THBS4: variants seen among roughly 807,000 people sequenced by gnomAD.
THBS4 encodes thrombospondin-4.
Under a neutral mutation model 115.7 loss-of-function variants are expected in THBS4, and 90 were observed. That is an observed-to-expected ratio of 0.78 (90% CI 0.66 to 0.93). THBS4 has a LOEUF of 0.93. THBS4 is among the 40% of genes least tolerant of loss of function. THBS4 has a pLI of 0.00. For missense variants in THBS4, 1,087 were observed against 1,232.7 expected, an observed-to-expected ratio of 0.88 and a Z score of 1.77; for synonymous variants, 460 against 479.3, an observed-to-expected ratio of 0.96 and a Z score of 0.53.
Position 80,070,351 on chromosome 5 carries a change from G to A in THBS4, c.1393G>A (p.Val465Met), listed in dbSNP as rs1256841260. The A allele has an allele frequency of 6.2e-7, 1 of 1,610,748 alleles. No individual in the cohort carries two copies. Among genetic ancestry groups the A allele is most frequent in the Non-Finnish European group, 8.5e-7 (1 of 1,178,372 alleles). Residue 465 changes from valine (V) to methionine (M), a missense_variant, in exon 11 of 22, where the codon GTG becomes ATG. By Grantham distance (21) the Val-to-Met change is conservative. Around this residue, in one of 3 missense-constraint regions of THBS4, gnomAD observed 979 missense variants for 1,103.7 expected, o/e 0.89. Coordinates refer to ENST00000350881, the MANE Select transcript of THBS4 (RefSeq NM_003248.6). ...AGDGYICGKD[V>M]DIDSYPDEEL... ...AGATGGCTATATCTGTGGAAAGGAT[G>A]TGGACATCGACAGTTACCCCGACGA... is the stretch of plus-strand genomic sequence containing the variant.
At chr5:80,065,966 G>T (rs1210570525) in intron 9 of THBS4, among the ~76,000 whole-genome samples, 1 of 152,028 alleles carries the variant, frequency 6.6e-6, no homozygotes, top group East Asian at 1.9e-4. Flanking sequence ...CTGGTGGCGG[G>T]TGCCTGTAGT....
chr5:80,011,884 AAG>A (rs1832133821), intron 2 of THBS4, among the ~76,000 whole-genome samples: 1 of 151,868 alleles, frequency 6.6e-6, no homozygotes, highest in African/African-American at 2.4e-5. Context: ...CTTAAAAAAA[AAG>A]AAAAAAAAGA....
chr5:80,029,181 G>A (rs778926683), intron 2 of THBS4, among the ~76,000 whole-genome samples: 1 of 152,092 alleles, frequency 6.6e-6, no homozygotes, highest in Non-Finnish European at 1.5e-5. Context: ...TGTAATTTTC[G>A]TGTATTTTGC....
rs541505299 is a variant in THBS4 at position 80,002,250 on chromosome 5, C to T, written n.177+3823C>T. Among the ~76,000 whole-genome samples, 3 of 152,220 alleles carry T rather than the reference C, an allele frequency of 2.0e-5. No individual in the cohort carries two copies. In the South Asian group the frequency reaches 6.2e-4, roughly 32 times the overall value. On this transcript the variant is annotated intron_variant and non_coding_transcript_variant, in intron 2 of 3. Transcript: ENST00000510218. ...ACCACTACCTTCAGTAGCTGCCTGA[C>T]AAAGATGTGAATCTGAGGCCACACT...
At chr5:80,057,353 C>T (rs1207297405) in intron 3 of THBS4, among the ~76,000 whole-genome samples, 2 of 152,212 alleles carry the variant, frequency 1.3e-5, no homozygotes, top group East Asian at 3.9e-4. Flanking sequence ...GTGGCTCAGT[C>T]TCATAATCAC....
intron 2 of THBS4, among the ~76,000 whole-genome samples, chr5:79,999,207 A>G (rs1831852715): frequency 1.3e-5 from 2 of 152,230 alleles, no homozygotes; most frequent in South Asian, 4.1e-4. Context: ...TCTTACAGCC[A>G]TATTACTAAA....
intron 1 of THBS4, among the ~76,000 whole-genome samples, chr5:80,038,887 A>G (rs1832801295): frequency 6.6e-6 from 1 of 152,176 alleles, no homozygotes; most frequent in East Asian, 1.9e-4. Context: ...GAGAGTGCCC[A>G]TTTCCCTGAA....
Position 80,035,977 on chromosome 5 carries a change from G to C in THBS4, c.88+352G>C, listed in dbSNP as rs145312701. On this transcript the variant is annotated intron_variant, in intron 1 of 21. Transcript: ENST00000350881. This position sits in a 1 kb window ranked among gnomAD's most constrained non-coding sequence, Gnocchi z 4.6. Reference sequence around the variant, plus strand: ...GTGAATTCCGGGTCCTGCACCCTGTGCCGGTTCCCTCCAGGCAGCCTTGCT... The same window carrying C: ...GTGAATTCCGGGTCCTGCACCCTGTCCCGGTTCCCTCCAGGCAGCCTTGCT... 8 of 1,031,142 alleles carry C rather than the reference G, an allele frequency of 7.8e-6. No individual in the cohort carries two copies. The highest frequency in any genetic ancestry group is 1.7e-5 in the African/African-American group (1 of 59,186). 63.9% of individuals were successfully genotyped at this position (1,031,142 alleles called of 1,614,324 possible). A position where few individuals can be genotyped will look rare whatever the true frequency, so the allele number is the denominator to read the frequency against.
At chr5:80,013,712 G>A (rs957972099) in intron 2 of THBS4, among the ~76,000 whole-genome samples, 1 of 152,056 alleles carries the variant, frequency 6.6e-6, no homozygotes, top group Admixed American at 6.6e-5. Flanking sequence ...CATTTATTAG[G>A]TTTGTGGCCC....
At chr5:80,021,661 TG>T (rs1832380171) in intron 2 of THBS4, among the ~76,000 whole-genome samples, 1 of 152,096 alleles carries the variant, frequency 6.6e-6, no homozygotes, top group Admixed American at 6.6e-5. Context: ...CTTAGATTTT[TG>T]TATTTTTTGT....
In THBS4 at chr5:80,079,205, T is replaced by C. The variant is rs1743369915; in HGVS notation, c.2458T>C (p.Tyr820His). ...VVMWKQTEQT[Y>H]WQATPFRAVA... ...CATGTGGAAGCAGACGGAGCAGACA[T>C]ATTGGCAAGCCACCCCATTCCGAGC... The change falls in exon 19 of 22, where the codon TAT becomes CAT. Residue 820 changes from tyrosine (Y) to histidine (H), a missense_variant. By Grantham distance (83) the Tyr-to-His change is moderately conservative. Coordinates refer to ENST00000350881, the MANE Select transcript of THBS4 (RefSeq NM_003248.6). 6.2e-7 allele frequency: 1 copy of C among 1,614,096 alleles called. No individual in the cohort carries two copies. The highest frequency in any genetic ancestry group is 1.3e-5 in the African/African-American group (1 of 75,042).
chr5:80,020,878 C>A (rs747099), intron 2 of THBS4, among the ~76,000 whole-genome samples: 3 of 152,294 alleles, frequency 2.0e-5, no homozygotes, highest in African/African-American at 7.2e-5. Context: ...GTAAACATTG[C>A]ATGCATATGA....
chr5:80,070,948 C>G (rs1561323886), intron 12 of THBS4, 73 bp from the exon 13 acceptor site: 4 of 1,598,758 alleles, frequency 2.5e-6, no homozygotes, highest in African/African-American at 2.7e-5. Context: ...CACCAGAGTG[C>G]TGATGCTTCA....
chr5:80,045,592 G>A lies in THBS4; in HGVS notation c.292+5312G>A, dbSNP rs547610876. On this transcript the variant is annotated intron_variant, in intron 2 of 21. Transcript: ENST00000350881. ...GTTGCCCAGGTTGGAGTGCAATGGCGCGATCTTGGCTCACTGCAACCTCCG... is the reference window on the plus strand; with the variant it reads ...GTTGCCCAGGTTGGAGTGCAATGGCACGATCTTGGCTCACTGCAACCTCCG... 2.4e-4 allele frequency among the ~76,000 whole-genome samples: 36 copies of A among 149,662 alleles called. 1 individual carries two copies. In the East Asian group the frequency reaches 6.8e-3, roughly 28 times the overall value.
chr5:79,999,114 C>T (rs544854928), intron 2 of THBS4, among the ~76,000 whole-genome samples: 2 of 152,146 alleles, frequency 1.3e-5, no homozygotes, highest in East Asian at 3.9e-4. Context: ...GCTAAAGATA[C>T]ATTTCAAAGT....
At position 80,008,454 on chromosome 5, in the gene THBS4, G is replaced by A. The variant is rs556209626; in HGVS notation, n.177+10027G>A. The stretch of plus-strand genomic sequence containing the variant: ...TTTTGAGATGGAGTCTCACTCTGTC[G>A]CCCAGGCTGGAGTGCAGTGACACGA... On this transcript the variant is annotated intron_variant and non_coding_transcript_variant, in intron 2 of 3. Coordinates refer to the THBS4 transcript ENST00000510218. Among the ~76,000 whole-genome samples, 10 of 151,776 alleles carry A rather than the reference G, an allele frequency of 6.6e-5. No individual in the cohort carries two copies. The South Asian group carries it at 1.5e-3, about 22-fold the overall frequency.
At chr5:80,021,810 C>T (rs1206184484) in intron 2 of THBS4, among the ~76,000 whole-genome samples, 2 of 152,190 alleles carry the variant, frequency 1.3e-5, no homozygotes, top group Non-Finnish European at 2.9e-5. Flanking sequence ...AGCAGCTGCA[C>T]TTGGCCTCAT....
At position 80,040,888 on chromosome 5, in the gene THBS4, G is replaced by T. The variant is rs17878376; in HGVS notation, c.292+608G>T. 6.3e-3 allele frequency among the ~76,000 whole-genome samples: 965 copies of T among 152,302 alleles called. 9 individuals carry two copies. The highest frequency in any genetic ancestry group is 0.022 in the African/African-American group (919 of 41,566). On this transcript the variant is annotated intron_variant, in intron 2 of 21. Coordinates refer to ENST00000350881, the MANE Select transcript of THBS4 (RefSeq NM_003248.6). Reference sequence around the variant, plus strand: ...AGGTCAAAGAGGGAGCAGACACATGGGAAGAGGGGAAAACCTGAGGGGCAC... The same window carrying T: ...AGGTCAAAGAGGGAGCAGACACATGTGAAGAGGGGAAAACCTGAGGGGCAC...
chr5:80,019,284 CA>C, intron 2 of THBS4, among the ~76,000 whole-genome samples: 1 of 152,278 alleles, frequency 6.6e-6, no homozygotes, highest in Non-Finnish European at 1.5e-5. Flanking sequence ...CACACACACA[CA>C]TGTACGTACA....
Sources: allele counts gnomAD v4.1 joint callset (sites outside exome capture counted in the v4.1 genomes callset), GRCh38; gene constraint gnomAD v4.1.1; regional missense constraint gnomAD v4.1.1; non-coding constraint Gnocchi (gnomAD v3.1); transcripts MANE v1.5; gene names NCBI Gene and HGNC (gene_info 2026-07-23, HGNC 2026-07-21).